Variants in CCDC141 observed in about 807,000 individuals in gnomAD.
The protein encoded by CCDC141 is coiled-coil domain containing 141.
CCDC141 carries 168 observed loss-of-function variants against 181.0 expected under a neutral mutation model. The ratio of observed to expected loss-of-function variants is 0.93; its 90% CI spans 0.82 to 1.05. The LOEUF (loss-of-function observed/expected upper bound fraction) is 1.05, where lower values mean the gene tolerates loss of function less well. Among genes scored for constraint, CCDC141 ranks in the 50% least tolerant of loss-of-function variants. The pLI is 0.00. For synonymous variants in CCDC141, 666 were observed against 642.3 expected, an observed-to-expected ratio of 1.04 and a Z score of -0.56; for missense variants, 1,902 against 1,788.5, an observed-to-expected ratio of 1.06 and a Z score of -1.14.
chr2:178,964,768 G>C (rs968786921), intron 4 of CCDC141, among the ~76,000 whole-genome samples: 8 of 152,104 alleles, frequency 5.3e-5, no homozygotes, highest in Non-Finnish European at 8.8e-5. Flanking sequence ...TTCCCCAAGA[G>C]TAAACTGTCT....
chr2:178,913,455 AT>A (rs75139730), intron 7 of CCDC141, among the ~76,000 whole-genome samples: 9,666 of 151,324 alleles, frequency 0.064, 609 homozygotes, highest in South Asian at 0.2. Context: ...CATTTTAATT[AT>A]TTTTTTTTCA....
At chr2:179,013,610 A>G (rs1355640413) in intron 2 of CCDC141, among the ~76,000 whole-genome samples, 2 of 152,146 alleles carry the variant, frequency 1.3e-5, no homozygotes, top group Non-Finnish European at 2.9e-5. Context: ...ATTAGAAAAA[A>G]CAATTCTAAA....
intron 6 of CCDC141, among the ~76,000 whole-genome samples, chr2:178,942,814 A>G (rs1219523584): frequency 1.3e-5 from 2 of 152,158 alleles, no homozygotes; most frequent in Admixed American, 6.5e-5. Context: ...TGTGAACTTA[A>G]AACTGCTCTA....
At chr2:178,925,492 A>G (rs763495618) in intron 6 of CCDC141, among the ~76,000 whole-genome samples, 2 of 152,214 alleles carry the variant, frequency 1.3e-5, no homozygotes, top group African/African-American at 2.4e-5. Flanking sequence ...CAAATCTTCA[A>G]AATAGTGATT....
At chr2:178,896,987 A>G (rs146574293) in intron 8 of CCDC141, among the ~76,000 whole-genome samples, 51 of 144,982 alleles carry the variant, frequency 3.5e-4, no homozygotes, top group African/African-American at 1.3e-3. Flanking sequence ...CTCCAGCCAC[A>G]CCACCCTTCT....
chr2:178,987,176 T>C (rs1243727321), intron 2 of CCDC141, among the ~76,000 whole-genome samples: 1 of 133,388 alleles, frequency 7.5e-6, no homozygotes, highest in Non-Finnish European at 1.6e-5. Context: ...TATCTACAAC[T>C]ATCTGATCTT....
intron 2 of CCDC141, among the ~76,000 whole-genome samples, chr2:178,993,869 C>T (rs376098684): frequency 1.9e-4 from 29 of 152,262 alleles, no homozygotes; most frequent in African/African-American, 6.5e-4. Context: ...CATGAAAGTC[C>T]GAAATCTAGC....
At chr2:179,013,114 A>G (rs1242096423) in intron 2 of CCDC141, among the ~76,000 whole-genome samples, 1 of 152,152 alleles carries the variant, frequency 6.6e-6, no homozygotes, top group Non-Finnish European at 1.5e-5. Flanking sequence ...AGTCCTAGCC[A>G]GAGCAATCAG....
intron 7 of CCDC141, among the ~76,000 whole-genome samples, chr2:178,912,323 A>G (rs1688252730): frequency 6.6e-6 from 1 of 152,226 alleles, no homozygotes; most frequent in Non-Finnish European, 1.5e-5. Context: ...AAATCCATTG[A>G]CAGCTTAAAT....
chr2:178,951,919 T>C (rs1689967030), intron 5 of CCDC141, among the ~76,000 whole-genome samples: 1 of 152,190 alleles, frequency 6.6e-6, no homozygotes, highest in Non-Finnish European at 1.5e-5. Flanking sequence ...ACCAACCGAC[T>C]TGGGGGCTTA....
At chr2:178,928,314 G>C (rs1317930968) in intron 6 of CCDC141, among the ~76,000 whole-genome samples, 1 of 152,090 alleles carries the variant, frequency 6.6e-6, no homozygotes, top group East Asian at 1.9e-4. Context: ...GAGTAAAGAA[G>C]GTCAAGGACA....
chr2:178,976,559 G>A (rs1691132801), intron 3 of CCDC141, among the ~76,000 whole-genome samples: 1 of 152,116 alleles, frequency 6.6e-6, no homozygotes, highest in Non-Finnish European at 1.5e-5. Context: ...TGCCAATCAG[G>A]GGCAGTGTTC....
chr2:179,036,677 A>T (rs1026485932), intron 2 of CCDC141, among the ~76,000 whole-genome samples: 1 of 152,226 alleles, frequency 6.6e-6, no homozygotes, highest in Non-Finnish European at 1.5e-5. Context: ...CCTAAAAGAG[A>T]AATTAAAGCA....
Position 178,884,970 on chromosome 2 carries a change from A to G in CCDC141, c.1650T>C (p.Phe550=). The G allele has an allele frequency of 6.4e-7, 1 of 1,550,496 alleles. No homozygotes were observed. The change falls in exon 11 of 24, where the codon TTT becomes TTC. Residue 550 remains phenylalanine (F), a synonymous_variant. Coordinates refer to ENST00000443758, the MANE Select transcript of CCDC141 (RefSeq NM_173648.4). ...ARWLAEELNL[F]GQSIDYRSQV... is the part of the protein sequence containing the mutation. ...GCGATCTATAGTCAATGCTTTGGCC[A>G]AATAGGTTTAATTCTTCTGCTAGCC...
rs77700166 is a variant in CCDC141 at position 178,917,029 on chromosome 2, G to A, written c.1092+1684C>T. Among the ~76,000 whole-genome samples the A allele has an allele frequency of 2.0e-5, 3 of 151,722 alleles. No individual in the cohort carries two copies. In the East Asian group the frequency reaches 5.8e-4, roughly 29 times the overall value. On this transcript the variant is annotated intron_variant, in intron 7 of 23. Coordinates refer to ENST00000443758, the MANE Select transcript of CCDC141 (RefSeq NM_173648.4). ...ATCCCAGCAAAGTACAAAATAATGA[G>A]AGCAGAGAAAACAAAAGTAAGAGAA...
At position 178,983,225 on chromosome 2, in the gene CCDC141, G is replaced by T. The variant is rs1298479134; in HGVS notation, c.226-4550C>A. 3.9e-5 allele frequency among the ~76,000 whole-genome samples: 6 copies of T among 151,946 alleles called. No individual in the cohort carries two copies. In the East Asian group the frequency reaches 1.2e-3, roughly 29 times the overall value. ...GGCACACTGACACCTCACACTGCAG[G>T]GTACTCCAACAGACCTGCAGCTGAG... On this transcript the variant is annotated intron_variant, in intron 2 of 23. Coordinates refer to ENST00000443758, the MANE Select transcript of CCDC141 (RefSeq NM_173648.4).
chr2:178,957,502 A>G (rs1479782406), intron 5 of CCDC141, among the ~76,000 whole-genome samples: 1 of 152,238 alleles, frequency 6.6e-6, no homozygotes, highest in African/African-American at 2.4e-5. Flanking sequence ...TTTGAAAAAT[A>G]GTTTAGCAGT....
chr2:178,875,680 A>G (rs1412587139), intron 12 of CCDC141: 3 of 152,190 alleles, frequency 2.0e-5, no homozygotes, highest in Admixed American at 2.0e-4. Flanking sequence ...AAGTATTGGA[A>G]AGATGGGAAA....
intron 6 of CCDC141, among the ~76,000 whole-genome samples, chr2:178,943,366 A>T (rs1323141316): frequency 6.6e-6 from 1 of 152,204 alleles, no homozygotes; most frequent in African/African-American, 2.4e-5. Context: ...CAAACCAAAG[A>T]CTTTGAATGC....
Sources: gnomAD v4.1 joint callset for allele counts (sites outside exome capture counted in the v4.1 genomes callset) on GRCh38, gnomAD v4.1.1 for gene constraint, MANE v1.5 for transcripts, NCBI Gene and HGNC (gene_info 2026-07-23, HGNC 2026-07-21) for gene names.